The following SLC39A13 variants were observed in gnomAD, a reference collection of about 807,000 sequenced individuals.
SLC39A13 encodes zinc transporter ZIP13.
A neutral mutation model predicts 38.7 loss-of-function variants in SLC39A13; 18 were observed. The observed-to-expected ratio is 0.47, with a 90% CI of 0.32 to 0.69. The LOEUF (loss-of-function observed/expected upper bound fraction) is 0.69. SLC39A13 is among the 30% of genes least tolerant of loss of function. SLC39A13 has a pLI of 0.03. For synonymous variants in SLC39A13, 212 were observed against 219.1 expected, an observed-to-expected ratio of 0.97 and a Z score of 0.29; for missense variants, 395 against 490.7, an observed-to-expected ratio of 0.80 and a Z score of 1.84.
intron 2 of SLC39A13, 83 bp from the exon 3 acceptor site, chr11:47,411,841 AAG>A: frequency 7.4e-7 from 1 of 1,354,174 alleles, no homozygotes; most frequent in Admixed American, 1.9e-5. Flanking sequence ...CAGGCCCAGA[AAG>A]AGCCCAGTGA....
Position 47,414,974 on chromosome 11 carries a change from G to T in SLC39A13, c.919+65G>T, listed in dbSNP as rs1169291314. ...AGAGGGGCACCAGCCAAAGGGTGTG[G>T]CTACCGCACTGCTGGTCCCCAGGCC... On this transcript the variant is annotated intron_variant, in intron 8 of 9. Transcript: ENST00000362021. 18 of 1,608,762 alleles carry T rather than the reference G, an allele frequency of 1.1e-5. No homozygotes were observed. In the Admixed American group the frequency reaches 1.8e-4, roughly 16 times the overall value.
At chr11:47,410,554 G>A (rs558181824) in intron 2 of SLC39A13, among the ~76,000 whole-genome samples, 159 bp downstream of exon 2, 151 of 152,162 alleles carry the variant, frequency 9.9e-4, no homozygotes, top group African/African-American at 3.6e-3. Context: ...AGCCAGGGGC[G>A]GCTGGCTCTG....
intron 2 of SLC39A13, among the ~76,000 whole-genome samples, chr11:47,411,605 A>G (rs1046360767): frequency 6.6e-6 from 1 of 152,254 alleles, no homozygotes; most frequent in Non-Finnish European, 1.5e-5. Flanking sequence ...ACTCCATCTC[A>G]AAACAAAACA....
intron 4 of SLC39A13, among the ~76,000 whole-genome samples, chr11:47,413,138 C>T (rs1052495646): frequency 2.0e-5 from 3 of 152,154 alleles, no homozygotes; most frequent in Admixed American, 6.5e-5. Flanking sequence ...TCTTCTGCCT[C>T]AGCCTCCCAA....
chr11:47,413,109 C>A (rs552261301), intron 4 of SLC39A13, among the ~76,000 whole-genome samples: 2 of 152,140 alleles, frequency 1.3e-5, no homozygotes, highest in African/African-American at 4.8e-5. Flanking sequence ...ACAGCTTTCA[C>A]CTCCCAGGTT....
At chr11:47,410,425 T>G (rs2095992873) in intron 2 of SLC39A13, 30 bp downstream of exon 2, 2 of 1,612,328 alleles carry the variant, frequency 1.2e-6, no homozygotes, top group Non-Finnish European at 1.7e-6. Flanking sequence ...CGCCCAGGGC[T>G]GGCCAGGGTG....
In SLC39A13 at chr11:47,410,199, G is replaced by T; in HGVS notation, c.105G>T (p.Pro35=). 3.7e-6 allele frequency: 6 copies of T among 1,613,848 alleles called. No homozygotes were observed. The highest frequency in any genetic ancestry group is 5.1e-6 in the Non-Finnish European group (6 of 1,179,978). The stretch of plus-strand genomic sequence containing the variant: ...TGGAAAGGGCTGGGGGTTCCCAGCC[G>T]GCCCTCCGGAGCCGGGGGACTGCGA... ...ELLERAGGSQ[P]ALRSRGTATA... The change falls in exon 2 of 10, where the codon CCG becomes CCT. Residue 35 remains proline (P), a synonymous_variant. Coordinates refer to ENST00000362021, the MANE Select transcript of SLC39A13 (RefSeq NM_001128225.3).
chr11:47,413,355 T>TG, intron 4 of SLC39A13, 45 bp from the exon 5 acceptor site: 2 of 1,581,454 alleles, frequency 1.3e-6, no homozygotes, highest in Non-Finnish European at 1.7e-6. Flanking sequence ...CCTGGCTGAG[T>TG]GGGGGGCATC....
rs2096021823 is a variant in SLC39A13, at chr11:47,415,345, C to T, written c.1098C>T (p.Phe366=). Residue 366 remains phenylalanine, a synonymous_variant, in exon 10 of 10, where the codon TTC becomes TTT. Transcript: ENST00000362021. ...CGGGCATCGTGGTAATGGTGCTGTTCTCGCTCTTCGTGGATTAACTTTCCC... is the reference window on the plus strand; with the variant it reads ...CGGGCATCGTGGTAATGGTGCTGTTTTCGCTCTTCGTGGATTAACTTTCCC... The part of the protein sequence containing the change: ...LCAGIVVMVL[F]SLFVD 6.2e-7 allele frequency: 1 copy of T among 1,614,000 alleles called. No individual in the cohort carries two copies. The highest frequency in any genetic ancestry group is 1.3e-5 in the African/African-American group (1 of 74,914).
chr11:47,415,461 CGAGA>C lies in SLC39A13; in HGVS notation c.*103_*106del. 3 of 1,399,540 alleles carry C rather than the reference CGAGA, an allele frequency of 2.1e-6. No homozygotes were observed. Among genetic ancestry groups the C allele is most frequent in the Non-Finnish European group, 2.0e-6 (2 of 995,670 alleles). 86.7% of individuals were successfully genotyped at this position (1,399,540 alleles called of 1,614,324 possible). The stretch of plus-strand genomic sequence containing the variant: ...GAGAGGCAGAGAGGGCGAGTGGCTG[CGAGA>C]GAGAATGAGCCTCCCGCCAGACAGG... On this transcript the variant is annotated 3_prime_UTR_variant, in exon 10 of 10. Coordinates refer to ENST00000362021, the MANE Select transcript of SLC39A13 (RefSeq NM_001128225.3).
chr11:47,414,554 G>A lies in SLC39A13; in HGVS notation c.786+79G>A, dbSNP rs2096016162. The A allele has an allele frequency of 2.5e-6, 4 of 1,570,856 alleles. No individual in the cohort carries two copies. In the South Asian group the frequency reaches 3.3e-5, roughly 13 times the overall value. ...TCAGCATGGGTGTGGAGCTCAGGAG[G>A]GTGTGGGGCTGGGCCTGTCCAGCAT... On this transcript the variant is annotated intron_variant, in intron 7 of 9. Transcript: ENST00000362021.
chr11:47,410,099 C>T lies in SLC39A13; in HGVS notation c.5C>T (p.Pro2Leu). 6.2e-7 allele frequency: 1 copy of T among 1,612,954 alleles called. No homozygotes were observed. The highest frequency in any genetic ancestry group is 8.5e-7 in the Non-Finnish European group (1 of 1,179,984). M[P>L]GCPCPGCGMA... is the part of the protein sequence containing the mutation. ...TTGTGTTTTTCAGTACGTGGCATGC[C>T]TGGATGTCCCTGCCCTGGCTGTGGC... The change falls in exon 2 of 10, where the codon CCT (proline) becomes CTT (leucine). Residue 2 changes from proline to leucine, a missense_variant. Transcript: ENST00000362021.
At chr11:47,409,979 G>A (rs1355060611) in intron 1 of SLC39A13, 108 bp from the exon 2 acceptor site, 8 of 1,337,780 alleles carry the variant, frequency 6.0e-6, no homozygotes, top group Non-Finnish European at 8.4e-6. Context: ...AGGACAGCAG[G>A]AGGGTGGATG....
rs1217767896 is a variant in SLC39A13, at chr11:47,410,533, A to G, written c.301+138A>G. 7 of 1,211,732 alleles carry G rather than the reference A, an allele frequency of 5.8e-6. No homozygotes were observed. The Admixed American group carries it at 1.4e-4, about 24-fold the overall frequency. 75.1% of individuals were successfully genotyped at this position (1,211,732 alleles called of 1,614,324 possible). A position where few individuals can be genotyped will look rare whatever the true frequency, so the allele number is the denominator to read the frequency against. ...ATAGAACTTCTCCCCTTGGTCCTGT[A>G]GGAGCTATCTAGCCAGGGGCGGCTG... On this transcript the variant is annotated intron_variant, in intron 2 of 9. Transcript: ENST00000362021.
intron 6 of SLC39A13, 54 bp from the exon 7 acceptor site, chr11:47,414,371 T>C (rs2096014930): frequency 8.3e-6 from 13 of 1,566,778 alleles, no homozygotes; most frequent in Non-Finnish European, 1.1e-5. Context: ...AGTGGGCGAG[T>C]GGGGTGCTCA....
Position 47,416,318 on chromosome 11 carries a change from C to T in SLC39A13, c.*955C>T, listed in dbSNP as rs1037696077. 3 of 152,750 alleles carry T rather than the reference C, an allele frequency of 2.0e-5. No homozygotes were observed. The highest frequency in any genetic ancestry group is 4.4e-5 in the Non-Finnish European group (3 of 68,122). 9.5% of individuals were successfully genotyped at this position (152,750 alleles called of 1,614,324 possible). ...ATCCCCAACCATTTCCCTTGGCTGA[C>T]GCCCAGGTACTCAGCTGGCCCACTC... On this transcript the variant is annotated 3_prime_UTR_variant, in exon 10 of 10. Coordinates refer to ENST00000362021, the MANE Select transcript of SLC39A13 (RefSeq NM_001128225.3).
In SLC39A13 at chr11:47,415,585, AGT is replaced by A. The variant is rs1441314231; in HGVS notation, c.*225_*226del. ...GATCCCTGTGCTGGGTCCGGGGCCC[AGT>A]GTAGCGCCTGTCCCCAGCCATGCTG... On this transcript the variant is annotated 3_prime_UTR_variant, in exon 10 of 10. Transcript: ENST00000362021. The A allele has an allele frequency of 9.2e-6, 6 of 648,874 alleles. No homozygotes were observed. In the African/African-American group the frequency reaches 1.1e-4, roughly 12 times the overall value. 40.2% of individuals were successfully genotyped at this position (648,874 alleles called of 1,614,324 possible).
Position 47,415,551 on chromosome 11 carries a change from C to A in SLC39A13, c.*188C>A. 1 of 698,628 alleles carries A rather than the reference C, an allele frequency of 1.4e-6. No individual in the cohort carries two copies. Among genetic ancestry groups the A allele is most frequent in the Non-Finnish European group, 2.5e-6 (1 of 394,166 alleles). 43.3% of individuals were successfully genotyped at this position (698,628 alleles called of 1,614,324 possible). On this transcript the variant is annotated 3_prime_UTR_variant, in exon 10 of 10. Transcript: ENST00000362021. ...GTGGCCAGAGGTGTGTGCGCGAGAC[C>A]GACACTGTGATCCCTGTGCTGGGTC... is the stretch of plus-strand genomic sequence containing the variant.
At chr11:47,413,825 T>G (rs1399387488) in intron 6 of SLC39A13, 139 bp downstream of exon 6, 1 of 945,394 alleles carries the variant, frequency 1.1e-6, no homozygotes, top group East Asian at 2.6e-5. Context: ...TCCTCCCTGC[T>G]GCTGTCCTGG....
Sources: gnomAD v4.1 joint callset for allele counts (sites outside exome capture counted in the v4.1 genomes callset) on GRCh38, gnomAD v4.1.1 for gene constraint, MANE v1.5 for transcripts, NCBI Gene and HGNC (gene_info 2026-07-23, HGNC 2026-07-21) for gene names.